SGSM1: variants seen among roughly 807,000 people sequenced by gnomAD.
SGSM1 encodes the protein RUN and TBC1 domain containing 2.
Under a neutral mutation model 133.8 loss-of-function variants are expected in SGSM1, and 73 were observed. The observed-to-expected ratio is 0.55, with a 90% confidence interval of 0.45 to 0.66. The LOEUF is 0.66. Among genes scored for constraint, SGSM1 ranks in the 30% least tolerant of loss-of-function variants. The pLI, the probability that SGSM1 is intolerant of heterozygous loss-of-function variation, is 0.00. For synonymous variants in SGSM1, 563 were observed against 573.0 expected (o/e 0.98, Z 0.25); for missense variants, 1,213 against 1,448.1 (o/e 0.84, Z 2.64).
At chr22:24,861,126 A>G (rs1243811783) in intron 9 of SGSM1, among the ~76,000 whole-genome samples, 1 of 149,480 alleles carries the variant, frequency 6.7e-6, no homozygotes, top group East Asian at 2.0e-4. Context: ...AGGCTGAGGC[A>G]GGTAGATCAT....
chr22:24,895,904 T>C (rs1239618734), intron 18 of SGSM1, among the ~76,000 whole-genome samples: 2 of 151,868 alleles, frequency 1.3e-5, no homozygotes, highest in Non-Finnish European at 2.9e-5. Flanking sequence ...AAAAAATCAG[T>C]TGGGCATGGT....
intron 2 of SGSM1, among the ~76,000 whole-genome samples, chr22:24,822,819 T>A (rs542153855): frequency 6.6e-6 from 1 of 152,274 alleles, no homozygotes; most frequent in South Asian, 2.1e-4. Context: ...AGACTTTGAT[T>A]TAAGTCCCAG....
intron 2 of SGSM1, among the ~76,000 whole-genome samples, chr22:24,834,758 CTT>C (rs139641): frequency 0.4 from 59,079 of 145,936 alleles, 11,833 homozygotes; most frequent in African/African-American, 0.46. Context: ...TCTAAATTTC[CTT>C]TTTTTTTTTT....
At chr22:24,896,221 C>G (rs1037508890) in intron 18 of SGSM1, among the ~76,000 whole-genome samples, 1 of 151,618 alleles carries the variant, frequency 6.6e-6, no homozygotes, top group South Asian at 2.1e-4. Flanking sequence ...GGGGCAGAGA[C>G]AGAAGCTACA....
intron 2 of SGSM1, chr22:24,814,016 C>T (rs914524486): frequency 1.1e-4 from 16 of 152,356 alleles, no homozygotes; most frequent in African/African-American, 3.4e-4. Context: ...CAGGTCCCTT[C>T]TCAAGGTCTC....
intron 9 of SGSM1, among the ~76,000 whole-genome samples, chr22:24,861,377 T>C (rs1039152270): frequency 6.7e-6 from 1 of 149,974 alleles, no homozygotes; most frequent in African/African-American, 2.5e-5. Context: ...AAAAGTGTTC[T>C]CTAAGCTGAT....
intron 9 of SGSM1, among the ~76,000 whole-genome samples, chr22:24,863,366 C>A (rs1931265647): frequency 6.6e-6 from 1 of 152,114 alleles, no homozygotes; most frequent in Non-Finnish European, 1.5e-5. Context: ...ACCATGTTGG[C>A]CAGGATGGTC....
chr22:24,885,150 G>A (rs1323274131), intron 15 of SGSM1, among the ~76,000 whole-genome samples: 3 of 151,962 alleles, frequency 2.0e-5, no homozygotes, highest in Non-Finnish European at 4.4e-5. Flanking sequence ...GGTCAGGCTG[G>A]TCTCAAACTC....
At chr22:24,905,257 C>G in intron 21 of SGSM1, 70 bp downstream of exon 21, 2 of 1,444,614 alleles carry the variant, frequency 1.4e-6, no homozygotes, top group South Asian at 1.1e-5. Flanking sequence ...AAGGCTTAAT[C>G]TCACTTTGTG....
At chr22:24,863,772 G>A (rs1356368757) in intron 9 of SGSM1, among the ~76,000 whole-genome samples, 29 of 146,810 alleles carry the variant, frequency 2.0e-4, no homozygotes, top group African/African-American at 6.4e-4. Context: ...ATGGAGTTTC[G>A]CTCTTGTGGT....
chr22:24,909,924 C>A (rs1933556653), intron 21 of SGSM1, among the ~76,000 whole-genome samples: 2 of 152,150 alleles, frequency 1.3e-5, no homozygotes, highest in South Asian at 4.1e-4. Context: ...TCATAATACC[C>A]AAAAAAGTGG....
At chr22:24,907,939 GT>G (rs1034591354) in intron 21 of SGSM1, among the ~76,000 whole-genome samples, 3 of 117,210 alleles carry the variant, frequency 2.6e-5, no homozygotes, top group Admixed American at 8.5e-5. Flanking sequence ...AAAAAAAGAT[GT>G]TGCAGGACTC....
chr22:24,880,340 G>C (rs575265863), intron 14 of SGSM1, among the ~76,000 whole-genome samples: 1 of 152,108 alleles, frequency 6.6e-6, no homozygotes, highest in South Asian at 2.1e-4. Flanking sequence ...CACCATGTTG[G>C]CCAGGCTGGT....
intron 15 of SGSM1, among the ~76,000 whole-genome samples, chr22:24,884,745 A>C (rs1239591232): frequency 6.6e-6 from 1 of 152,218 alleles, no homozygotes; most frequent in Non-Finnish European, 1.5e-5. Flanking sequence ...CCCACAGCGC[A>C]TGTACAGTTA....
chr22:24,848,093 C>T (rs139665), intron 4 of SGSM1, among the ~76,000 whole-genome samples: 2 of 151,520 alleles, frequency 1.3e-5, no homozygotes, highest in Admixed American at 6.6e-5. Flanking sequence ...TTTCCCTCCC[C>T]GTTGTTGTTG....
At chr22:24,873,205 C>T (rs1931852720) in intron 12 of SGSM1, among the ~76,000 whole-genome samples, 4 of 152,120 alleles carry the variant, frequency 2.6e-5, no homozygotes, top group Admixed American at 2.6e-4. Context: ...TCAAGCAATT[C>T]ATCCGCCTCA....
chr22:24,835,089 T>A (rs1298749187), intron 2 of SGSM1, among the ~76,000 whole-genome samples: 1 of 152,228 alleles, frequency 6.6e-6, no homozygotes, highest in Non-Finnish European at 1.5e-5. Flanking sequence ...TGCTCCATAC[T>A]GCCCTTGGTG....
intron 2 of SGSM1, among the ~76,000 whole-genome samples, chr22:24,826,635 A>G (rs1928815404): frequency 1.3e-5 from 2 of 152,208 alleles, no homozygotes; most frequent in African/African-American, 4.8e-5. Context: ...AGAGAGGTCA[A>G]GTGCATGAGT....
Position 24,884,204 on chromosome 22 carries a change from G to T in SGSM1, c.1641+6G>T. 2 of 1,610,630 alleles carry T rather than the reference G, an allele frequency of 1.2e-6. No individual in the cohort carries two copies. Among genetic ancestry groups the T allele is most frequent in the Non-Finnish European group, 8.5e-7 (1 of 1,177,470 alleles). On this transcript the variant is annotated splice_donor_region_variant and intron_variant, in intron 15 of 24. Transcript: ENST00000400358. Reference sequence around the variant, plus strand: ...AGTACCTTCACGACAGCACAGTAAGGCTTAGCTGGGCTTGGTCTGCAGTGA... The same window carrying T: ...AGTACCTTCACGACAGCACAGTAAGTCTTAGCTGGGCTTGGTCTGCAGTGA...
Sources: gnomAD v4.1 joint callset for allele counts (sites outside exome capture counted in the v4.1 genomes callset) on GRCh38, gnomAD v4.1.1 for gene constraint, MANE v1.5 for transcripts, NCBI Gene and HGNC (gene_info 2026-07-23, HGNC 2026-07-21) for gene names.